The following MINDY2 variants were observed in gnomAD, a reference collection of about 807,000 sequenced individuals.
MINDY2 encodes the protein ubiquitin carboxyl-terminal hydrolase MINDY-2.
MINDY2 carries 52 observed loss-of-function variants against 68.2 expected under a neutral mutation model. The observed-to-expected ratio is 0.76, with a 90% CI of 0.61 to 0.96. MINDY2 has a LOEUF of 0.96. MINDY2 is among the 40% of genes least tolerant of loss of function. The probability of loss-of-function intolerance (pLI) is 0.00; values close to 1 mark genes in which losing one functional copy is unlikely to be tolerated. For synonymous variants in MINDY2, 372 were observed against 303.0 expected, an observed-to-expected ratio of 1.23 and a Z score of -2.36; for missense variants, 881 against 773.4, an observed-to-expected ratio of 1.14 and a Z score of -1.65.
intron 1 of MINDY2, among the ~76,000 whole-genome samples, chr15:58,785,551 A>C: frequency 8.9e-6 from 1 of 112,276 alleles, no homozygotes; most frequent in East Asian, 6.2e-4. Flanking sequence ...AAAAACGTTT[A>C]TTTAGAAAAA....
chr15:58,846,917 T>C (rs1293737089), intron 6 of MINDY2, among the ~76,000 whole-genome samples: 6 of 151,956 alleles, frequency 3.9e-5, no homozygotes, highest in Middle Eastern at 3.2e-3. Context: ...GTAGGCTTAA[T>C]TGGAAAAAAA....
At position 58,812,310 on chromosome 15, in the gene MINDY2, G is replaced by A. The variant is rs141619774; in HGVS notation, c.1122+1922G>A. On this transcript the variant is annotated intron_variant, in intron 4 of 8. Coordinates refer to ENST00000559228, the MANE Select transcript of MINDY2 (RefSeq NM_001040450.3). ...AAATTAGTCGGGTGCAGTGGCAGGC[G>A]CCTGTAATCCTAGCTACTCAGGAGG... Among the ~76,000 whole-genome samples, 250 of 151,920 alleles carry A rather than the reference G, an allele frequency of 1.6e-3. 1 individual carries two copies. Among genetic ancestry groups the A allele is most frequent in the African/African-American group, 5.6e-3 (233 of 41,434 alleles).
intron 5 of MINDY2, among the ~76,000 whole-genome samples, chr15:58,826,472 G>T (rs907135140): frequency 2.6e-5 from 4 of 151,868 alleles, no homozygotes; most frequent in Non-Finnish European, 4.4e-5. Context: ...CAGGTGATCC[G>T]CCCGCCTTGG....
chr15:58,841,307 A>T (rs1187311757), intron 6 of MINDY2, among the ~76,000 whole-genome samples: 1 of 151,414 alleles, frequency 6.6e-6, no homozygotes, highest in African/African-American at 2.4e-5. Flanking sequence ...CTTATAAATA[A>T]TTTCAATTTT....
intron 6 of MINDY2, among the ~76,000 whole-genome samples, chr15:58,839,246 T>C (rs567224687): frequency 6.6e-6 from 1 of 152,326 alleles, no homozygotes; most frequent in South Asian, 2.1e-4. Context: ...TGGTATTGTT[T>C]ACATCTCTAT....
At chr15:58,780,131 G>A (rs1901037528) in intron 1 of MINDY2, among the ~76,000 whole-genome samples, 2 of 152,234 alleles carry the variant, frequency 1.3e-5, no homozygotes, top group African/African-American at 2.4e-5. Flanking sequence ...GAGGCCAGGT[G>A]TGGTTGGCTC....
At position 58,772,125 on chromosome 15, in the gene MINDY2, C is replaced by G; in HGVS notation, c.730C>G (p.His244Asp). 1 of 1,614,094 alleles carries G rather than the reference C, an allele frequency of 6.2e-7. No homozygotes were observed. Among genetic ancestry groups the G allele is most frequent in the Non-Finnish European group, 8.5e-7 (1 of 1,179,998 alleles). The change falls in exon 1 of 9, where the codon CAC (histidine) becomes GAC (aspartate). Residue 244 changes from histidine to aspartate, a missense_variant. Physicochemically the swap from His to Asp is moderately conservative, Grantham distance 81. Transcript: ENST00000559228. Reference sequence around the variant, plus strand: ...ACGCTTCCCGGGACAATCTGTGTATCACATCAAGTGGATCCAGTGGAAGGA... The same window carrying G: ...ACGCTTCCCGGGACAATCTGTGTATGACATCAAGTGGATCCAGTGGAAGGA... Reference protein sequence around the residue: ...KERFPGQSVYHIKWIQWKEEN... With the variant: ...KERFPGQSVYDIKWIQWKEEN...
At chr15:58,842,313 T>C (rs1255958920) in intron 6 of MINDY2, among the ~76,000 whole-genome samples, 1 of 152,120 alleles carries the variant, frequency 6.6e-6, no homozygotes, top group Admixed American at 6.6e-5. Flanking sequence ...GTTGGTTCTG[T>C]TTGCTTTTTT....
chr15:58,805,956 C>T (rs116905204), intron 3 of MINDY2, among the ~76,000 whole-genome samples: 7,309 of 152,170 alleles, frequency 0.048, 209 homozygotes, highest in East Asian at 0.15. Flanking sequence ...GTACTGTGGT[C>T]CCAGCTACTC....
chr15:58,821,906 T>A, intron 5 of MINDY2, 87 bp downstream of exon 5: 3 of 841,324 alleles, frequency 3.6e-6, no homozygotes, highest in Non-Finnish European at 5.3e-6. Context: ...ATTTCTTAAA[T>A]AAGACTTCTA....
chr15:58,835,672 TAAATAA>T (rs1468534884), intron 6 of MINDY2, among the ~76,000 whole-genome samples: 14 of 152,130 alleles, frequency 9.2e-5, no homozygotes, highest in African/African-American at 3.4e-4. Flanking sequence ...ATTAATTCAT[TAAATAA>T]AAATAAAATG....
At chr15:58,854,346 CAA>C in intron 8 of MINDY2, 134 bp from the exon 9 acceptor site, 1 of 864,778 alleles carries the variant, frequency 1.2e-6, no homozygotes, top group Non-Finnish European at 1.7e-6. Flanking sequence ...TGTAATATAA[CAA>C]ATCTGTATGC....
In MINDY2 at chr15:58,802,359, A is replaced by G. The variant is rs767317932; in HGVS notation, c.945A>G (p.Gln315=). 8.8e-6 allele frequency: 14 copies of G among 1,587,904 alleles called. No homozygotes were observed. Among genetic ancestry groups the G allele is most frequent in the African/African-American group, 2.7e-5 (2 of 73,628 alleles). ...AGCCAAAAGAAATTTCAGAAATTCA[A>G]CGTTTAAATTATGAACAGGTAATAA... ...DAKPKEISEI[Q]RLNYEQNMSD... Residue 315 remains glutamine, a synonymous_variant, in exon 3 of 9, where the codon CAA becomes CAG. Coordinates refer to ENST00000559228, the MANE Select transcript of MINDY2 (RefSeq NM_001040450.3).
chr15:58,821,253 G>C (rs2031042277), intron 4 of MINDY2, among the ~76,000 whole-genome samples: 1 of 150,044 alleles, frequency 6.7e-6, no homozygotes, highest in African/African-American at 2.4e-5. Context: ...TAATAAAATG[G>C]AATAATTTTA....
At chr15:58,839,074 A>G (rs1295993807) in intron 6 of MINDY2, among the ~76,000 whole-genome samples, 2 of 151,976 alleles carry the variant, frequency 1.3e-5, no homozygotes, top group East Asian at 1.9e-4. Context: ...ACTAAACCCT[A>G]TATATGAAAA....
chr15:58,837,585 T>C (rs761782013), intron 6 of MINDY2, among the ~76,000 whole-genome samples: 4 of 151,988 alleles, frequency 2.6e-5, no homozygotes, highest in Non-Finnish European at 4.4e-5. Flanking sequence ...CTATGGCTAT[T>C]TTTAAATCTA....
At chr15:58,819,904 A>G (rs1231552371) in intron 4 of MINDY2, among the ~76,000 whole-genome samples, 2 of 152,174 alleles carry the variant, frequency 1.3e-5, no homozygotes, top group East Asian at 3.9e-4. Flanking sequence ...TCGCAAAGAA[A>G]AGGATTTGGC....
intron 1 of MINDY2, among the ~76,000 whole-genome samples, chr15:58,786,060 TAATA>T (rs1290108448): frequency 6.6e-6 from 1 of 152,214 alleles, no homozygotes; most frequent in African/African-American, 2.4e-5. Context: ...TTTTACTGAA[TAATA>T]AATCTACTGG....
In MINDY2 at chr15:58,861,509, C is replaced by T. The variant is rs1273535558; in HGVS notation, c.*6899C>T. 1.3e-5 allele frequency: 2 copies of T among 152,120 alleles called. No homozygotes were observed. The highest frequency in any genetic ancestry group is 4.8e-5 in the African/African-American group (2 of 41,432). The allele number at this position is 152,120 out of a possible 1,614,324, so 9.4% of individuals were successfully genotyped here. A position where few individuals can be genotyped will look rare whatever the true frequency, so the allele number is the denominator to read the frequency against. ...ATTCATAGGAAAGAGCATTGAAATA[C>T]ATTTTTTGCATAAAGATACCTAAAA... On this transcript the variant is annotated 3_prime_UTR_variant, in exon 9 of 9. Coordinates refer to ENST00000559228, the MANE Select transcript of MINDY2 (RefSeq NM_001040450.3).
Sources: allele counts gnomAD v4.1 joint callset (sites outside exome capture counted in the v4.1 genomes callset), GRCh38; gene constraint gnomAD v4.1.1; transcripts MANE v1.5; gene names NCBI Gene and HGNC (gene_info 2026-07-23, HGNC 2026-07-21).